Variants in GSTZ1 observed in about 807,000 individuals in gnomAD.
The protein encoded by GSTZ1 is maleylacetoacetate isomerase.
A neutral mutation model predicts 35.9 loss-of-function variants in GSTZ1; 34 were observed. That is an observed-to-expected ratio of 0.95 (90% CI 0.72 to 1.26). The LOEUF (loss-of-function observed/expected upper bound fraction) is 1.26, where lower values mean the gene tolerates loss of function less well. Among genes scored for constraint, GSTZ1 ranks in the 50% most tolerant of loss-of-function variants. The probability of loss-of-function intolerance (pLI) is 0.00; values close to 1 mark genes in which losing one functional copy is unlikely to be tolerated. For synonymous variants in GSTZ1, 93 were observed against 101.2 expected, an observed-to-expected ratio of 0.92 and a Z score of 0.49; for missense variants, 263 against 271.7, an observed-to-expected ratio of 0.97 and a Z score of 0.23.
intron 1 of GSTZ1, chr14:77,322,736 C>G (rs569322548): frequency 1.0e-6 from 1 of 984,830 alleles, no homozygotes; most frequent in South Asian, 4.7e-5. Context: ...ACAAAAGGTA[C>G]CTTCAGGACA....
chr14:77,321,537 A>G, intron 1 of GSTZ1: 1 of 1,300,776 alleles, frequency 7.7e-7, no homozygotes, highest in Non-Finnish European at 9.9e-7. Context: ...GCAGCCCTTC[A>G]TGCTCTTCTC....
chr14:77,325,002 G>T (rs1892247143), intron 2 of GSTZ1, 81 bp downstream of exon 2: 1 of 1,172,388 alleles, frequency 8.5e-7, no homozygotes, highest in Non-Finnish European at 1.3e-6. Flanking sequence ...AGCTGGCCTG[G>T]GATGGAAGGG....
chr14:77,329,326 G>A, intron 6 of GSTZ1, 125 bp downstream of exon 6: 1 of 723,380 alleles, frequency 1.4e-6, no homozygotes, highest in Non-Finnish European at 2.5e-6. Context: ...GCATGGATGA[G>A]GGCAGGACTG....
chr14:77,328,592 C>G (rs541138235), intron 5 of GSTZ1: 3 of 174,322 alleles, frequency 1.7e-5, no homozygotes, highest in Non-Finnish European at 3.7e-5. Flanking sequence ...GCCCTCTACC[C>G]GCATGTCGCT....
intron 3 of GSTZ1, 86 bp downstream of exon 3, chr14:77,326,991 C>A: frequency 1.1e-6 from 1 of 903,898 alleles, no homozygotes; most frequent in Non-Finnish European, 1.8e-6. Context: ...GGCTCTGCCC[C>A]AGAGAAGTGA....
At chr14:77,329,363 C>T in intron 6 of GSTZ1, 162 bp downstream of exon 6, 2 of 639,252 alleles carry the variant, frequency 3.1e-6, no homozygotes, top group Non-Finnish European at 5.7e-6. Context: ...GGTGGGCATC[C>T]AGACCTTAGC....
chr14:77,325,739 C>T (rs1247589117), intron 2 of GSTZ1: 1 of 152,148 alleles, frequency 6.6e-6, no homozygotes, highest in African/African-American at 2.4e-5. Flanking sequence ...AAGCCATCCT[C>T]CGTGACCCCT....
intron 7 of GSTZ1, 153 bp from the exon 8 acceptor site, chr14:77,330,157 C>T (rs1024968308): frequency 7.7e-6 from 6 of 777,714 alleles, no homozygotes; most frequent in African/African-American, 6.8e-5. Context: ...CAGACTCATG[C>T]AGGCCTAGGG....
intron 7 of GSTZ1, 160 bp downstream of exon 7, chr14:77,329,967 G>C (rs1892534065): frequency 1.5e-6 from 1 of 662,160 alleles, no homozygotes; most frequent in Non-Finnish European, 2.7e-6. Context: ...TTAAGAGGGA[G>C]TTACTCAAGG....
Position 77,331,467 on chromosome 14 carries a change from A to G in GSTZ1, c.*272A>G, listed in dbSNP as rs1049765140. On this transcript the variant is annotated 3_prime_UTR_variant, in exon 9 of 9. Transcript: ENST00000216465. ...GGCTGAGATGAGAATGCGGATTAAA[A>G]TGCCTGGCGTGCTCACCGTAACACC... is the stretch of plus-strand genomic sequence containing the variant. 1.0e-5 allele frequency: 4 copies of G among 400,522 alleles called. No homozygotes were observed. Among genetic ancestry groups the G allele is most frequent in the Non-Finnish European group, 1.8e-5 (4 of 219,432 alleles). 24.8% of individuals were successfully genotyped at this position (400,522 alleles called of 1,614,324 possible). A position where few individuals can be genotyped will look rare whatever the true frequency, so the allele number is the denominator to read the frequency against.
chr14:77,323,549 AG>A (rs1892141324), intron 1 of GSTZ1: 1 of 152,236 alleles, frequency 6.6e-6, no homozygotes, highest in African/African-American at 2.4e-5. Flanking sequence ...CATGTTGGCC[AG>A]GCTGGTCTCG....
chr14:77,330,397 C>T, intron 8 of GSTZ1, 38 bp downstream of exon 8: 2 of 1,537,170 alleles, frequency 1.3e-6, no homozygotes, highest in Non-Finnish European at 1.8e-6. Flanking sequence ...TCTCGTGGCT[C>T]TGCCCACAGT....
intron 1 of GSTZ1, 74 bp downstream of exon 1, chr14:77,321,257 A>G (rs1269021611): frequency 9.2e-6 from 14 of 1,527,026 alleles, no homozygotes; most frequent in Non-Finnish European, 1.2e-5. Flanking sequence ...GTCAGAAGTG[A>G]GCTGCACCGC....
rs2234736 is a variant in GSTZ1 at position 77,321,210 on chromosome 14, G to A, written c.15+27G>A. 7.3e-6 allele frequency: 11 copies of A among 1,506,422 alleles called. No individual in the cohort carries two copies. In the Admixed American group the frequency reaches 2.2e-4, roughly 30 times the overall value. 93.3% of individuals were successfully genotyped at this position (1,506,422 alleles called of 1,614,324 possible). ...TCTGTGACGCGCACCCGGGTGGAGG[G>A]AAGCTGGTTAGACACCTGGAGACCC... On this transcript the variant is annotated intron_variant, in intron 1 of 8. Coordinates refer to ENST00000216465, the MANE Select transcript of GSTZ1 (RefSeq NM_145870.3).
chr14:77,326,641 C>A, intron 2 of GSTZ1, 197 bp from the exon 3 acceptor site: 1 of 558,328 alleles, frequency 1.8e-6, no homozygotes, highest in Non-Finnish European at 3.2e-6. Flanking sequence ...GGCAGAGCAT[C>A]GTGCATCTGG....
intron 2 of GSTZ1, chr14:77,325,305 C>T: frequency 3.9e-6 from 1 of 254,616 alleles, no homozygotes; most frequent in South Asian, 4.8e-5. Flanking sequence ...AACGGGCCAG[C>T]ATCAGCCTCG....
chr14:77,326,753 C>T (rs1349357758), intron 2 of GSTZ1, 85 bp from the exon 3 acceptor site: 2 of 993,304 alleles, frequency 2.0e-6, no homozygotes, highest in South Asian at 1.4e-5. Context: ...CCTCTTTGGC[C>T]TTAATGTCAC....
rs1393932855 is a variant in GSTZ1 at position 77,329,167 on chromosome 14, C to G, written c.387C>G (p.Thr129=). ...LKQVGEEMQL[T]WAQNAITCGF... ...AAGTGGGAGAGGAGATGCAGCTGAC[C>G]TGGGCCCAGAACGCCATCACTTGTG... Residue 129 remains threonine (T), a synonymous_variant, in exon 6 of 9, where the codon ACC becomes ACG. Coordinates refer to ENST00000216465, the MANE Select transcript of GSTZ1 (RefSeq NM_145870.3). 3 of 1,613,052 alleles carry G rather than the reference C, an allele frequency of 1.9e-6. No individual in the cohort carries two copies. The highest frequency in any genetic ancestry group is 8.5e-7 in the Non-Finnish European group (1 of 1,178,950).
At position 77,331,075 on chromosome 14, in the gene GSTZ1, G is replaced by A. The variant is rs751152350; in HGVS notation, c.531G>A (p.Lys177=). ...VPQVANAERF[K]VDLTPYPTIS... ...AGGTGTTTCTCTACTACAGATTCAA[G>A]GTGGATCTCACCCCCTACCCTACCA... The change falls in exon 9 of 9, where the codon AAG becomes AAA. Residue 177 remains lysine (K), a synonymous_variant. Transcript: ENST00000216465. 3.1e-6 allele frequency: 5 copies of A among 1,613,786 alleles called. No homozygotes were observed. Among genetic ancestry groups the A allele is most frequent in the Admixed American group, 1.7e-5 (1 of 59,980 alleles).
Sources: gnomAD v4.1 joint callset for allele counts on GRCh38, gnomAD v4.1.1 for gene constraint, MANE v1.5 for transcripts, NCBI Gene and HGNC (gene_info 2026-07-23, HGNC 2026-07-21) for gene names.